Variants in LIFR observed in about 807,000 individuals in gnomAD.
LIFR encodes LIF receptor subunit alpha.
Under a neutral mutation model 122.2 loss-of-function variants are expected in LIFR, and 84 were observed. That is an observed-to-expected ratio of 0.69 (90% CI 0.58 to 0.82). The LOEUF is 0.82. LIFR is among the 40% of genes least tolerant of loss of function. The probability of loss-of-function intolerance (pLI) is 0.00; values close to 1 mark genes in which losing one functional copy is unlikely to be tolerated. For missense variants in LIFR, 1,294 were observed against 1,311.6 expected (o/e 0.99, Z 0.21); for synonymous variants, 422 against 434.7 (o/e 0.97, Z 0.36).
chr5:38,541,923 G>A (rs984348830), intron 1 of LIFR, among the ~76,000 whole-genome samples: 1 of 152,118 alleles, frequency 6.6e-6, no homozygotes, highest in Non-Finnish European at 1.5e-5. Flanking sequence ...TTAATAAGCT[G>A]GGCCAATATT....
chr5:38,526,631 T>C (rs2112557030), intron 4 of LIFR, among the ~76,000 whole-genome samples: 1 of 152,332 alleles, frequency 6.6e-6, no homozygotes, highest in African/African-American at 2.4e-5. Flanking sequence ...TTTGCTGATG[T>C]ATCCATCTCC....
At chr5:38,583,391 T>C (rs1163949463) in intron 1 of LIFR, among the ~76,000 whole-genome samples, 1 of 152,144 alleles carries the variant, frequency 6.6e-6, no homozygotes, top group Non-Finnish European at 1.5e-5. Flanking sequence ...GAGAACTTAT[T>C]AGTGTATTAA....
At chr5:38,598,702 C>T (rs1750169080), upstream of LIFR, among the ~76,000 whole-genome samples, 1 of 152,132 alleles carries the variant, frequency 6.6e-6, no homozygotes, top group Non-Finnish European at 1.5e-5. Flanking sequence ...ACGAGGTCTG[C>T]CCTAACTTCC....
At chr5:38,603,041 C>T (rs1032434404) in intron 2 of LIFR, among the ~76,000 whole-genome samples, 1 of 152,136 alleles carries the variant, frequency 6.6e-6, no homozygotes, top group African/African-American at 2.4e-5. Context: ...GTAAGGCAGG[C>T]ACTGTGCACG....
intron 1 of LIFR, chr5:38,606,349 G>C (rs1750329255): frequency 2.0e-5 from 3 of 152,130 alleles, no homozygotes; most frequent in Admixed American, 6.6e-5. Context: ...GAGAGAGAGT[G>C]AGAAAGAGAG....
chr5:38,555,171 G>T (rs751507947), intron 1 of LIFR: 1 of 152,154 alleles, frequency 6.6e-6, no homozygotes, highest in Non-Finnish European at 1.5e-5. Context: ...CAACGTAGAA[G>T]ACAACTAAAA....
At chr5:38,526,449 A>G (rs779191835) in intron 4 of LIFR, among the ~76,000 whole-genome samples, 7,984 of 151,868 alleles carry the variant, frequency 0.053, 245 homozygotes, top group Middle Eastern at 0.099. Flanking sequence ...GTGTATATAT[A>G]TATATATAAA....
intron 19 of LIFR, 137 bp downstream of exon 19, chr5:38,482,452 A>T (rs1348189120): frequency 3.2e-6 from 2 of 615,910 alleles, no homozygotes; most frequent in Non-Finnish European, 5.6e-6. Context: ...TAATTTTAGA[A>T]ACTGAGATGT....
chr5:38,591,492 C>A (rs187808744), intron 1 of LIFR, among the ~76,000 whole-genome samples: 1 of 152,142 alleles, frequency 6.6e-6, no homozygotes, highest in African/African-American at 2.4e-5. Flanking sequence ...TTGGACTTAA[C>A]GTTATGCTTT....
At chr5:38,513,992 G>A (rs773013419) in intron 5 of LIFR, among the ~76,000 whole-genome samples, 1 of 151,902 alleles carries the variant, frequency 6.6e-6, no homozygotes, top group Non-Finnish European at 1.5e-5. Context: ...ATAAGACATT[G>A]CATCATGAAA....
At position 38,527,208 on chromosome 5, in the gene LIFR, A is replaced by G. The variant is rs765182075; in HGVS notation, c.344T>C (p.Leu115Pro). 12 of 1,586,960 alleles carry G rather than the reference A, an allele frequency of 7.6e-6. No homozygotes were observed. The African/African-American group carries it at 1.5e-4, about 20-fold the overall frequency. Residue 115 changes from leucine to proline, a missense_variant, in exon 4 of 20, where the codon CTA becomes CCA. Leu to Pro is a moderately conservative substitution (Grantham distance 98, BLOSUM62 -3). Coordinates refer to ENST00000453190, the MANE Select transcript of LIFR (RefSeq NM_001127671.2). ...HGDYEITINS[L>P]HDFGSSTSKF... ...ACTTGTAGAACTTCCAAAATCATGT[A>G]GAGAATTTATTGTTATTTCATAATC...
chr5:38,594,379 G>C (rs1385337912), intron 1 of LIFR, among the ~76,000 whole-genome samples: 1 of 152,104 alleles, frequency 6.6e-6, no homozygotes, highest in Non-Finnish European at 1.5e-5. Flanking sequence ...GTCATCACAC[G>C]TTTGTCAAAA....
intron 2 of LIFR, among the ~76,000 whole-genome samples, chr5:38,604,101 C>T (rs1750276266): frequency 6.6e-6 from 1 of 152,122 alleles, no homozygotes; most frequent in African/African-American, 2.4e-5. Context: ...TTCCTATTTG[C>T]CTTGAGGTGG....
chr5:38,543,224 C>T (rs1747688591), intron 1 of LIFR, among the ~76,000 whole-genome samples: 1 of 151,866 alleles, frequency 6.6e-6, no homozygotes, highest in Admixed American at 6.6e-5. Context: ...TGGAACCCAA[C>T]CTGTAGTTGT....
chr5:38,553,456 G>C (rs1279812661), intron 1 of LIFR, among the ~76,000 whole-genome samples: 1 of 151,288 alleles, frequency 6.6e-6, no homozygotes, highest in Non-Finnish European at 1.5e-5. Context: ...GTCCTGTGCA[G>C]TGCCATAATT....
rs1717207618 is a variant in LIFR at position 38,481,128 on chromosome 5, G to GT, written c.*466dup. ...TTAGAAGTTTTAAAATCTGTGCTTG[G>GT]TTTTCATCTAGAAAGGAGTAAACGT... On this transcript the variant is annotated 3_prime_UTR_variant, in exon 20 of 20. Transcript: ENST00000453190. 2 of 253,556 alleles carry GT rather than the reference G, an allele frequency of 7.9e-6. No individual in the cohort carries two copies. The highest frequency in any genetic ancestry group is 4.4e-5 in the African/African-American group (2 of 45,352). 15.7% of individuals were successfully genotyped at this position (253,556 alleles called of 1,614,324 possible).
chr5:38,519,660 T>C (rs1248442898), intron 5 of LIFR, among the ~76,000 whole-genome samples: 2 of 152,196 alleles, frequency 1.3e-5, no homozygotes, highest in Admixed American at 6.5e-5. Context: ...CTGTTACTAA[T>C]AATATCTTTA....
At chr5:38,527,362 T>C in intron 3 of LIFR, 68 bp from the exon 4 acceptor site, 3 of 1,013,004 alleles carry the variant, frequency 3.0e-6, no homozygotes, top group Non-Finnish European at 4.5e-6. Context: ...AAAATTTGGT[T>C]AACACAAAAT....
intron 1 of LIFR, among the ~76,000 whole-genome samples, chr5:38,549,769 C>A (rs1748100569): frequency 6.6e-6 from 1 of 152,132 alleles, no homozygotes; most frequent in Non-Finnish European, 1.5e-5. Context: ...CCAGCCAGGG[C>A]AACACAGCGA....
Sources: gnomAD v4.1 joint callset for allele counts (sites outside exome capture counted in the v4.1 genomes callset) on GRCh38, gnomAD v4.1.1 for gene constraint, MANE v1.5 for transcripts, NCBI Gene and HGNC (gene_info 2026-07-23, HGNC 2026-07-21) for gene names.